KCNC2: variants seen among roughly 807,000 people sequenced by gnomAD.
KCNC2 encodes voltage-gated potassium channel KCNC2.
In KCNC2, 21 loss-of-function variants were observed where a neutral mutation model predicts 44.5. The ratio of observed to expected loss-of-function variants is 0.47; its 90% CI spans 0.33 to 0.68. The LOEUF (loss-of-function observed/expected upper bound fraction) is 0.68. Ranked by LOEUF, KCNC2 falls within the 30% of genes least tolerant of loss-of-function variation. KCNC2 has a pLI of 0.01. For synonymous variants in KCNC2, 391 were observed against 339.1 expected (o/e 1.15, Z -1.68); for missense variants, 589 against 826.2 (o/e 0.71, Z 3.52).
intron 2 of KCNC2, among the ~76,000 whole-genome samples, chr12:75,098,015 A>C (rs987420507): frequency 1.3e-5 from 2 of 152,064 alleles, no homozygotes; most frequent in African/African-American, 4.8e-5. Context: ...AATAAAGCTT[A>C]TTATTTACAT....
intron 2 of KCNC2, among the ~76,000 whole-genome samples, chr12:75,080,593 G>A (rs1458609): frequency 0.89 from 135,788 of 152,120 alleles, 60,649 homozygotes; most frequent in Admixed American, 0.92. Flanking sequence ...GAAGTGGGCT[G>A]GAATTGTACC....
intron 2 of KCNC2, among the ~76,000 whole-genome samples, chr12:75,057,620 G>T (rs572983901): frequency 6.6e-6 from 1 of 151,146 alleles, no homozygotes; most frequent in Non-Finnish European, 1.5e-5. Context: ...TAGACTTCAG[G>T]TGTCTATATA....
chr12:75,080,267 A>C (rs1386630636), intron 2 of KCNC2, among the ~76,000 whole-genome samples: 1 of 107,566 alleles, frequency 9.3e-6, no homozygotes, highest in East Asian at 2.6e-4. Context: ...CACTGCTCAA[A>C]TAATCCTCTC....
At chr12:75,191,362 T>C (rs1321131484) in intron 2 of KCNC2, among the ~76,000 whole-genome samples, 2 of 151,564 alleles carry the variant, frequency 1.3e-5, no homozygotes, top group Non-Finnish European at 2.9e-5. Context: ...CCTCAGGCTA[T>C]TCAATATTTT....
intron 2 of KCNC2, among the ~76,000 whole-genome samples, chr12:75,169,416 GATA>G (rs199561528): frequency 1.3e-5 from 2 of 151,446 alleles, no homozygotes; most frequent in East Asian, 1.9e-4. Flanking sequence ...CATTACTACT[GATA>G]ATGTCATTTA....
At position 75,057,948 on chromosome 12, in the gene KCNC2, G is replaced by T. The variant is rs189008406; in HGVS notation, c.688-6631C>A. Among the ~76,000 whole-genome samples the T allele has an allele frequency of 3.5e-3, 531 of 151,818 alleles. 4 individuals carry two copies. The highest frequency in any genetic ancestry group is 6.7e-3 in the Non-Finnish European group (455 of 67,888). ...TTGAGGACACAGATTGATTTAATTG[G>T]AATTGTAATTGTTTGTTTAGAGTCA... is the stretch of plus-strand genomic sequence containing the variant. On this transcript the variant is annotated intron_variant, in intron 2 of 4. Coordinates refer to ENST00000549446, the MANE Select transcript of KCNC2 (RefSeq NM_139137.4).
chr12:75,088,763 T>A (rs1317385977), intron 2 of KCNC2, among the ~76,000 whole-genome samples: 1 of 152,028 alleles, frequency 6.6e-6, no homozygotes, highest in Non-Finnish European at 1.5e-5. Context: ...TAGTTATTAA[T>A]GTAATTTCAT....
chr12:75,149,071 G>A (rs1394671166), intron 2 of KCNC2, among the ~76,000 whole-genome samples: 1 of 149,674 alleles, frequency 6.7e-6, no homozygotes. Context: ...CAGAATATTA[G>A]AATGTGAAAC....
intron 2 of KCNC2, among the ~76,000 whole-genome samples, chr12:75,157,614 G>A (rs1378875533): frequency 6.6e-6 from 1 of 151,878 alleles, no homozygotes; most frequent in Non-Finnish European, 1.5e-5. Context: ...TTGTGCCTGA[G>A]TAACATCATA....
At chr12:75,079,674 A>G (rs554335746) in intron 2 of KCNC2, among the ~76,000 whole-genome samples, 2 of 152,300 alleles carry the variant, frequency 1.3e-5, no homozygotes, top group African/African-American at 4.8e-5. Flanking sequence ...AATAAAACAA[A>G]AACTCAGTTA....
In KCNC2 at chr12:75,042,270, T is replaced by G. The variant is rs1879993926; in HGVS notation, c.*835A>C. ...TCTGGCTAAACAATGCAAGCCTGGC[T>G]GGCAGTTACCTTTCTCTCATGTTTT... On this transcript the variant is annotated 3_prime_UTR_variant, in exon 5 of 5. Coordinates refer to ENST00000549446, the MANE Select transcript of KCNC2 (RefSeq NM_139137.4). 6.2e-7 allele frequency: 1 copy of G among 1,608,244 alleles called. No homozygotes were observed. The highest frequency in any genetic ancestry group is 8.5e-7 in the Non-Finnish European group (1 of 1,177,126).
At position 75,207,783 on chromosome 12, in the gene KCNC2, C is replaced by T. The variant is rs778930267; in HGVS notation, c.201G>A (p.Ala67=). 7.6e-6 allele frequency: 12 copies of T among 1,587,252 alleles called. No homozygotes were observed. The highest frequency in any genetic ancestry group is 1.8e-5 in the Admixed American group (1 of 56,016). Residue 67 remains alanine, a synonymous_variant, in exon 2 of 5, where the codon GCG becomes GCA. Coordinates refer to ENST00000549446, the MANE Select transcript of KCNC2 (RefSeq NM_139137.4). The surrounding 1 kb of genome is among the most constrained non-coding windows in gnomAD (Gnocchi z 4.1). ...SPPPLSPPPR[A]PPLSPGPGGC... The stretch of plus-strand genomic sequence containing the variant: ...CGCCTGGCCCGGGGGACAGCGGGGG[C>T]GCTCTCGGCGGCGGCGACAGTGGAG...
Position 75,043,047 on chromosome 12 carries a change from G to A in KCNC2, c.*58C>T, listed in dbSNP as rs1880087829. ...CTACATTTAATTATTTCCATTATGG[G>A]GTAAACAGCACTTGAATTAATACAA... On this transcript the variant is annotated 3_prime_UTR_variant, in exon 5 of 5. Coordinates refer to ENST00000549446, the MANE Select transcript of KCNC2 (RefSeq NM_139137.4). 6.2e-7 allele frequency: 1 copy of A among 1,601,874 alleles called. No individual in the cohort carries two copies. Among genetic ancestry groups the A allele is most frequent in the African/African-American group, 1.3e-5 (1 of 74,300 alleles).
chr12:75,118,334 CAGATA>C (rs1887822505), intron 2 of KCNC2, among the ~76,000 whole-genome samples: 1 of 151,914 alleles, frequency 6.6e-6, no homozygotes, highest in Non-Finnish European at 1.5e-5. Context: ...TGGAGAGAAA[CAGATA>C]ATAGCAGGTA....
intron 2 of KCNC2, among the ~76,000 whole-genome samples, chr12:75,097,173 C>T (rs1181520559): frequency 6.6e-6 from 1 of 151,986 alleles, no homozygotes. Flanking sequence ...CTGTATGACC[C>T]TAACCATATG....
intron 2 of KCNC2, among the ~76,000 whole-genome samples, chr12:75,064,548 G>A (rs372624704): frequency 7.2e-5 from 11 of 151,986 alleles, no homozygotes; most frequent in African/African-American, 1.9e-4. Flanking sequence ...TCTAAATCAC[G>A]TGGATTATAG....
At chr12:75,130,328 G>A (rs895796052) in intron 2 of KCNC2, among the ~76,000 whole-genome samples, 4 of 151,876 alleles carry the variant, frequency 2.6e-5, no homozygotes, top group African/African-American at 9.7e-5. Flanking sequence ...ATTTATAATG[G>A]CATAATAATA....
In KCNC2 at chr12:75,161,918, A is replaced by G. The variant is rs748774174; in HGVS notation, c.687+45379T>C. ...CACATTGAGGAAGAAAGATGCTCTC[A>G]GTAACATAACTGAAAGCAACTTAAA... On this transcript the variant is annotated intron_variant, in intron 2 of 4. Coordinates refer to ENST00000549446, the MANE Select transcript of KCNC2 (RefSeq NM_139137.4). Among the ~76,000 whole-genome samples, 84 of 151,830 alleles carry G rather than the reference A, an allele frequency of 5.5e-4. 3 individuals are homozygous for G. The highest frequency in any genetic ancestry group is 2.2e-4 in the Non-Finnish European group (15 of 67,834).
intron 4 of KCNC2, among the ~76,000 whole-genome samples, chr12:75,044,172 A>C (rs573671169): frequency 6.6e-5 from 10 of 152,154 alleles, no homozygotes; most frequent in African/African-American, 2.4e-4. Flanking sequence ...CGAGGTGGAA[A>C]GCACCTAGTA....
Sources: gnomAD v4.1 joint callset for allele counts (sites outside exome capture counted in the v4.1 genomes callset) on GRCh38, gnomAD v4.1.1 for gene constraint, Gnocchi (gnomAD v3.1) non-coding constraint, MANE v1.5 for transcripts, NCBI Gene and HGNC (gene_info 2026-07-23, HGNC 2026-07-21) for gene names.